The following SPIDR variants were observed in gnomAD, a reference collection of about 807,000 sequenced individuals.
The protein encoded by SPIDR is scaffold protein involved in DNA repair, also known as DNA repair-scaffolding protein.
In SPIDR, 93 loss-of-function variants were observed where a neutral mutation model predicts 104.6. The observed-to-expected ratio is 0.89, with a 90% CI of 0.75 to 1.06. The LOEUF is 1.06. Among genes scored for constraint, SPIDR ranks in the 50% least tolerant of loss-of-function variants. The pLI, the probability that SPIDR is intolerant of heterozygous loss-of-function variation, is 0.00. For missense variants in SPIDR, 1,154 were observed against 1,111.2 expected, an observed-to-expected ratio of 1.04 and a Z score of -0.55; for synonymous variants, 431 against 416.9, an observed-to-expected ratio of 1.03 and a Z score of -0.41.
chr8:47,624,122 G>A (rs2065604704), intron 10 of SPIDR, among the ~76,000 whole-genome samples: 3 of 152,182 alleles, frequency 2.0e-5, no homozygotes, highest in Non-Finnish European at 4.4e-5. Context: ...TGAACAACCT[G>A]CTCCTGAATG....
chr8:47,315,101 A>T (rs2045061945), intron 5 of SPIDR, among the ~76,000 whole-genome samples: 1 of 152,210 alleles, frequency 6.6e-6, no homozygotes, highest in Non-Finnish European at 1.5e-5. Context: ...TATATACCTA[A>T]TAAGATCTAC....
At chr8:47,614,458 A>G (rs1162691945) in intron 10 of SPIDR, among the ~76,000 whole-genome samples, 2 of 152,110 alleles carry the variant, frequency 1.3e-5, no homozygotes, top group African/African-American at 4.8e-5. Flanking sequence ...TCCTGACCTC[A>G]TGATCCGCCC....
chr8:47,453,508 C>T (rs1554707628), intron 8 of SPIDR, among the ~76,000 whole-genome samples: 1 of 152,078 alleles, frequency 6.6e-6, no homozygotes, highest in Non-Finnish European at 1.5e-5. Flanking sequence ...GGTACTGGTA[C>T]CAAAACAGAG....
intron 8 of SPIDR, among the ~76,000 whole-genome samples, chr8:47,589,846 T>G (rs928263244): frequency 6.6e-6 from 1 of 152,182 alleles, no homozygotes; most frequent in Non-Finnish European, 1.5e-5. Flanking sequence ...CTGTTGTTTT[T>G]CTGTTCAATT....
chr8:47,619,038 G>A (rs2064750129), intron 10 of SPIDR, among the ~76,000 whole-genome samples: 1 of 152,258 alleles, frequency 6.6e-6, no homozygotes, highest in Admixed American at 6.5e-5. Flanking sequence ...GAATGAGGCA[G>A]TTAGGAATAG....
At chr8:47,718,239 C>T (rs756354057) in intron 16 of SPIDR, among the ~76,000 whole-genome samples, 2 of 152,330 alleles carry the variant, frequency 1.3e-5, no homozygotes, top group Admixed American at 1.3e-4. Flanking sequence ...CAGTCACATA[C>T]GGAGATCAAA....
intron 8 of SPIDR, among the ~76,000 whole-genome samples, chr8:47,479,782 T>C (rs2076689241): frequency 6.6e-6 from 1 of 152,188 alleles, no homozygotes; most frequent in Non-Finnish European, 1.5e-5. Context: ...AACTGTAAGT[T>C]TGGGGAAGTA....
At chr8:47,594,468 C>T (rs2061426470) in intron 8 of SPIDR, among the ~76,000 whole-genome samples, 1 of 152,054 alleles carries the variant, frequency 6.6e-6, no homozygotes, top group Non-Finnish European at 1.5e-5. Context: ...GGGGGGAAGT[C>T]CAGGTCTTCA....
At chr8:47,536,615 AAAATAGATCATAGACCT>A (rs2154386737) in intron 8 of SPIDR, among the ~76,000 whole-genome samples, 1 of 152,320 alleles carries the variant, frequency 6.6e-6, no homozygotes, top group East Asian at 1.9e-4. Flanking sequence ...AAAGTAACTC[AAAATAGATCATAGACCT>A]AAATGTAAAA....
At chr8:47,556,528 A>T (rs897344191) in intron 8 of SPIDR, among the ~76,000 whole-genome samples, 5 of 152,210 alleles carry the variant, frequency 3.3e-5, no homozygotes, top group African/African-American at 7.2e-5. Context: ...CTACAGGTGG[A>T]TATTTAGGAG....
chr8:47,417,899 G>T (rs1420881764), intron 7 of SPIDR, among the ~76,000 whole-genome samples: 1 of 152,064 alleles, frequency 6.6e-6, no homozygotes, highest in Non-Finnish European at 1.5e-5. Context: ...CCCATTTCTT[G>T]TTTTTGTCAG....
chr8:47,510,784 A>G (rs1586906425), intron 8 of SPIDR, among the ~76,000 whole-genome samples: 1 of 152,234 alleles, frequency 6.6e-6, no homozygotes, highest in East Asian at 1.9e-4. Context: ...TTTAGTGAAA[A>G]TACATCCACT....
intron 8 of SPIDR, among the ~76,000 whole-genome samples, chr8:47,525,328 A>G (rs1294122890): frequency 6.6e-6 from 1 of 152,210 alleles, no homozygotes. Flanking sequence ...TAGTCCATTT[A>G]CCAGAATAGG....
intron 8 of SPIDR, among the ~76,000 whole-genome samples, chr8:47,532,727 C>T (rs902324267): frequency 2.0e-5 from 3 of 152,206 alleles, no homozygotes; most frequent in Non-Finnish European, 4.4e-5. Context: ...TTGACAGATC[C>T]ATCAGGCAGA....
intron 8 of SPIDR, among the ~76,000 whole-genome samples, chr8:47,514,917 A>T (rs951938552): frequency 6.6e-6 from 1 of 152,166 alleles, no homozygotes; most frequent in African/African-American, 2.4e-5. Flanking sequence ...TCTGAGGTTT[A>T]TATTTTTCAT....
At position 47,552,890 on chromosome 8, in the gene SPIDR, G is replaced by T. The variant is rs572630949; in HGVS notation, c.1098-42921G>T. Among the ~76,000 whole-genome samples, 101 of 152,254 alleles carry T rather than the reference G, an allele frequency of 6.6e-4. 1 individual carries two copies. Among genetic ancestry groups the T allele is most frequent in the African/African-American group, 2.3e-3 (97 of 41,538 alleles). On this transcript the variant is annotated intron_variant, in intron 8 of 19. Coordinates refer to ENST00000297423, the MANE Select transcript of SPIDR (RefSeq NM_001080394.4). ...TTACAATTTGGCATGTTTTTGCAGT[G>T]GCTGGTACCAGTTGTTCCTTTCCAT...
At chr8:47,486,216 C>T (rs1554731065) in intron 8 of SPIDR, among the ~76,000 whole-genome samples, 2 of 152,190 alleles carry the variant, frequency 1.3e-5, no homozygotes, top group Non-Finnish European at 2.9e-5. Flanking sequence ...GCACAAGCTT[C>T]AGAAGCCTAT....
chr8:47,592,012 A>G (rs1454761524), intron 8 of SPIDR: 3 of 687,212 alleles, frequency 4.4e-6, no homozygotes, highest in Non-Finnish European at 7.6e-6. Flanking sequence ...GCATTTAATC[A>G]CCAAAGGACT....
intron 10 of SPIDR, among the ~76,000 whole-genome samples, chr8:47,631,814 A>T (rs994177070): frequency 3.9e-5 from 6 of 152,226 alleles, no homozygotes; most frequent in Admixed American, 3.9e-4. Context: ...TGAGACCAAC[A>T]TTGAGAATTC....
Sources: allele counts gnomAD v4.1 joint callset (sites outside exome capture counted in the v4.1 genomes callset), GRCh38; gene constraint gnomAD v4.1.1; transcripts MANE v1.5; gene names NCBI Gene and HGNC (gene_info 2026-07-23, HGNC 2026-07-21).